ARHGEF15: variants seen among roughly 807,000 people sequenced by gnomAD.
ARHGEF15 encodes the protein Rho guanine nucleotide exchange factor (GEF) 15.
Under a neutral mutation model 79.7 loss-of-function variants are expected in ARHGEF15, and 58 were observed. The ratio of observed to expected loss-of-function variants is 0.73; its 90% CI spans 0.59 to 0.91. The LOEUF (loss-of-function observed/expected upper bound fraction) is 0.91. Ranked by LOEUF, ARHGEF15 falls within the 40% of genes least tolerant of loss-of-function variation. ARHGEF15 has a pLI of 0.00. For missense variants in ARHGEF15, 1,012 were observed against 1,108.1 expected, an observed-to-expected ratio of 0.91 and a Z score of 1.23; for synonymous variants, 442 against 456.0, an observed-to-expected ratio of 0.97 and a Z score of 0.39.
rs1905190494 is a variant in ARHGEF15, at chr17:8,318,803, T to C, written c.1926T>C (p.Thr642=). 1 of 1,613,636 alleles carries C rather than the reference T, an allele frequency of 6.2e-7. No individual in the cohort carries two copies. Among genetic ancestry groups the C allele is most frequent in the Non-Finnish European group, 8.5e-7 (1 of 1,179,964 alleles). ...GCCTGGAATTCCAGGGAGAGCTGAC[T>C]GAGTTAGGGTGCCGGAGGGGGGGCG... is the stretch of plus-strand genomic sequence containing the variant. ...SRRLEFQGEL[T]ELGCRRGGVL... The change falls in exon 12 of 16, where the codon ACT becomes ACC. Residue 642 remains threonine, a synonymous_variant. Transcript: ENST00000361926. The surrounding 1 kb of genome is among the most constrained non-coding windows in gnomAD (Gnocchi z 5.0).
rs1176069266 is a variant in ARHGEF15 at position 8,312,259 on chromosome 17, G to A, written c.220G>A (p.Ala74Thr). 1 of 1,520,202 alleles carries A rather than the reference G, an allele frequency of 6.6e-7. No homozygotes were observed. 94.2% of individuals were successfully genotyped at this position (1,520,202 alleles called of 1,614,324 possible). Residue 74 changes from alanine (A) to threonine (T), a missense_variant, in exon 2 of 16, where the codon GCT becomes ACT. By Grantham distance (58) the Ala-to-Thr change is moderately conservative. Around this residue, in one of 3 missense-constraint regions of ARHGEF15, gnomAD observed 818 missense variants for 882.5 expected, o/e 0.93. Coordinates refer to ENST00000361926, the MANE Select transcript of ARHGEF15 (RefSeq NM_173728.4). ...EPPAASLKPPALLPPSASRAS... is the reference protein window; with the variant it reads ...EPPAASLKPPTLLPPSASRAS... ...CCCAGCTGCATCCCTCAAGCCCCCT[G>A]CTCTTTTGCCCCCCTCAGCTTCTAG...
Position 8,320,874 on chromosome 17 carries a change from G to C in ARHGEF15, c.2407G>C (p.Ala803Pro). ...WLKGLPGAFP[A>P]QLVCEVTGEH... Reference sequence around the variant, plus strand: ...GAAGGGGCTTCCTGGGGCCTTCCCTGCCCAGCTGGTGTGTGAAGTCACAGG... The same window carrying C: ...GAAGGGGCTTCCTGGGGCCTTCCCTCCCCAGCTGGTGTGTGAAGTCACAGG... Residue 803 changes from alanine to proline, a missense_variant, in exon 16 of 16, where the codon GCC (alanine) becomes CCC (proline). Ala to Pro is a conservative substitution (Grantham distance 27). This residue lies in a region of ARHGEF15 where 132 missense variants were observed against 124.2 expected (regional missense o/e 1.06). Transcript: ENST00000361926. 1 of 1,613,376 alleles carries C rather than the reference G, an allele frequency of 6.2e-7. No homozygotes were observed. Among genetic ancestry groups the C allele is most frequent in the South Asian group, 1.1e-5 (1 of 91,032 alleles).
chr17:8,315,814 A>G lies in ARHGEF15; in HGVS notation c.1481A>G (p.Asp494Gly). ...TCCCCCCACATCAGCGACTTGTGTG[A>G]TGTGGTGCATGCCCACGCTGTGGGG... Reference protein sequence around the residue: ...RSSPHISDLCDVVHAHAVGPF... With the variant: ...RSSPHISDLCGVVHAHAVGPF... The change falls in exon 8 of 16, where the codon GAT (aspartate) becomes GGT (glycine). Residue 494 changes from aspartate to glycine, a missense_variant. Asp to Gly is a moderately conservative substitution (Grantham distance 94). Coordinates refer to ENST00000361926, the MANE Select transcript of ARHGEF15 (RefSeq NM_173728.4). This position sits in a 1 kb window ranked among gnomAD's most constrained non-coding sequence, Gnocchi z 4.3. 6.2e-7 allele frequency: 1 copy of G among 1,611,704 alleles called. No homozygotes were observed. Among genetic ancestry groups the G allele is most frequent in the Non-Finnish European group, 8.5e-7 (1 of 1,179,762 alleles).
At chr17:8,310,376 G>A (rs1009743758) in intron 1 of ARHGEF15, 33 bp downstream of exon 1, 1 of 152,212 alleles carries the variant, frequency 6.6e-6, no homozygotes, top group Admixed American at 6.5e-5. Context: ...CAGAGTTAGG[G>A]AGGGAAGCCT....
In ARHGEF15 at chr17:8,312,427, C is replaced by G. The variant is rs368543027; in HGVS notation, c.388C>G (p.Pro130Ala). 1.1e-5 allele frequency: 18 copies of G among 1,613,726 alleles called. No individual in the cohort carries two copies. In the African/African-American group the frequency reaches 1.7e-4, roughly 16 times the overall value. The change falls in exon 2 of 16, where the codon CCT (proline) becomes GCT (alanine). Residue 130 changes from proline to alanine, a missense_variant. Physicochemically the swap from Pro to Ala is conservative, Grantham distance 27. Coordinates refer to ENST00000361926, the MANE Select transcript of ARHGEF15 (RefSeq NM_173728.4). The stretch of plus-strand genomic sequence containing the variant: ...CAAGCCGTCTGGGTCACCCTGCACG[C>G]CTCTGCTCCCCATGGCTGGAGTCCT... The part of the protein sequence containing the change: ...PPKPSGSPCT[P>A]LLPMAGVLAQ...
In ARHGEF15 at chr17:8,314,963, T is replaced by C; in HGVS notation, c.1047T>C (p.Asp349=). The C allele has an allele frequency of 2.5e-6, 4 of 1,613,958 alleles. No homozygotes were observed. The highest frequency in any genetic ancestry group is 3.4e-6 in the Non-Finnish European group (4 of 1,179,958). ...AGAATTGGGAGCTGCCCCTGCAGGA[T>C]GGTGAGGGCCTCTGGACCTGAGGGT... The part of the protein sequence containing the change: ...KEQNWELPLQ[D]EPLYQTYRAA... The change falls in exon 5 of 16, where the codon GAT becomes GAC. Residue 349 remains aspartate, a splice_region_variant and synonymous_variant. Coordinates refer to ENST00000361926, the MANE Select transcript of ARHGEF15 (RefSeq NM_173728.4).
rs1355154631 is a variant in ARHGEF15 at position 8,321,111 on chromosome 17, A to G, written c.*118A>G. On this transcript the variant is annotated 3_prime_UTR_variant, in exon 16 of 16. Transcript: ENST00000361926. ...GGAGATACTACCTCTCGTGGCAACC[A>G]TAGAGATCGAGCTTCAGGACAGAGC... 2.1e-6 allele frequency: 3 copies of G among 1,417,658 alleles called. No individual in the cohort carries two copies. Among genetic ancestry groups the G allele is most frequent in the Non-Finnish European group, 2.9e-6 (3 of 1,034,266 alleles). 87.8% of individuals were successfully genotyped at this position (1,417,658 alleles called of 1,614,324 possible). A position where few individuals can be genotyped will look rare whatever the true frequency, so the allele number is the denominator to read the frequency against.
intron 4 of ARHGEF15, chr17:8,313,889 G>C (rs1025640536): frequency 9.8e-6 from 2 of 203,598 alleles, no homozygotes; most frequent in African/African-American, 4.6e-5. Context: ...AATTAGCCGG[G>C]CATGGTGACG....
At position 8,318,684 on chromosome 17, in the gene ARHGEF15, C is replaced by G. The variant is rs1480703416; in HGVS notation, c.1872+22C>G. On this transcript the variant is annotated intron_variant, in intron 11 of 15. Transcript: ENST00000361926. This position sits in a 1 kb window ranked among gnomAD's most constrained non-coding sequence, Gnocchi z 5.0. ...CAAGGTACATCGCTGCCCAGGCTCC[C>G]CATCTTGCCCTGCCCCATGTTGCTG... The G allele has an allele frequency of 6.2e-7, 1 of 1,610,078 alleles. No individual in the cohort carries two copies. The highest frequency in any genetic ancestry group is 8.5e-7 in the Non-Finnish European group (1 of 1,177,276).
intron 2 of ARHGEF15, 31 bp from the exon 3 acceptor site, chr17:8,312,891 G>A (rs750919387): frequency 4.5e-6 from 7 of 1,564,732 alleles, no homozygotes; most frequent in Non-Finnish European, 6.0e-6. Context: ...GGCCCCAAGG[G>A]CTTTCTCCTT....
intron 15 of ARHGEF15, among the ~76,000 whole-genome samples, chr17:8,320,219 A>G (rs1205929849): frequency 6.6e-6 from 1 of 152,150 alleles, no homozygotes; most frequent in Non-Finnish European, 1.5e-5. Flanking sequence ...GACGATAAAG[A>G]ATGAGCAAAA....
chr17:8,321,099 C>A lies in ARHGEF15; in HGVS notation c.*106C>A. ...TTCACTGTCAGTGGAGATACTACCTCTCGTGGCAACCATAGAGATCGAGCT... is the reference window on the plus strand; with the variant it reads ...TTCACTGTCAGTGGAGATACTACCTATCGTGGCAACCATAGAGATCGAGCT... On this transcript the variant is annotated 3_prime_UTR_variant, in exon 16 of 16. Transcript: ENST00000361926. 1 of 1,482,106 alleles carries A rather than the reference C, an allele frequency of 6.7e-7. No individual in the cohort carries two copies. Among genetic ancestry groups the A allele is most frequent in the South Asian group, 1.2e-5 (1 of 80,914 alleles). 91.8% of individuals were successfully genotyped at this position (1,482,106 alleles called of 1,614,324 possible). A position where few individuals can be genotyped will look rare whatever the true frequency, so the allele number is the denominator to read the frequency against.
chr17:8,313,043 C>T lies in ARHGEF15; in HGVS notation c.723C>T (p.Ala241=). ...YEEVPRVPRR[A]SPLRTSRSRP... ...AGGTCCCCAGGGTCCCCCGTCGGGCCTCCCCGCTGCGGACCTCTCGCTCCC... is the reference window on the plus strand; with the variant it reads ...AGGTCCCCAGGGTCCCCCGTCGGGCTTCCCCGCTGCGGACCTCTCGCTCCC... The change falls in exon 3 of 16, where the codon GCC becomes GCT. Residue 241 remains alanine, a synonymous_variant. Coordinates refer to ENST00000361926, the MANE Select transcript of ARHGEF15 (RefSeq NM_173728.4). The T allele has an allele frequency of 3.7e-6, 6 of 1,613,554 alleles. No individual in the cohort carries two copies. Among genetic ancestry groups the T allele is most frequent in the Non-Finnish European group, 5.1e-6 (6 of 1,179,838 alleles).
In ARHGEF15 at chr17:8,312,077, CGCAGA is replaced by C; in HGVS notation, c.39_43del (p.Gln14AlafsTer37). On this transcript the variant is annotated frameshift_variant, in exon 2 of 16. Transcript: ENST00000361926. LOFTEE classifies it high-confidence loss of function. ...TCCCTTCCTGCAGCAACACCCCCCA[CGCAGA>C]AGCCCCCTCGGATCATCCGCCCCCG... The C allele has an allele frequency of 7.1e-7, 1 of 1,418,082 alleles. No homozygotes were observed. The highest frequency in any genetic ancestry group is 9.4e-7 in the Non-Finnish European group (1 of 1,068,118). The allele number at this position is 1,418,082 out of a possible 1,614,324, so 87.8% of individuals were successfully genotyped here.
rs1443851563 is a variant in ARHGEF15 at position 8,312,278 on chromosome 17, C to G, written c.239C>G (p.Ala80Gly). The G allele has an allele frequency of 1.4e-6, 2 of 1,402,958 alleles. No individual in the cohort carries two copies. Among genetic ancestry groups the G allele is most frequent in the East Asian group, 6.0e-5 (2 of 33,232 alleles). The allele number at this position is 1,402,958 out of a possible 1,614,324, so 86.9% of individuals were successfully genotyped here. ...LKPPALLPPS[A>G]SRASLDSQTS... ...CCCCCTGCTCTTTTGCCCCCCTCAG[C>G]TTCTAGAGCCAGCCTCGACTCCCAG... is the stretch of plus-strand genomic sequence containing the variant. Residue 80 changes from alanine to glycine, a missense_variant, in exon 2 of 16, where the codon GCT becomes GGT. Ala to Gly is a moderately conservative substitution (Grantham distance 60). Around this residue, in one of 3 missense-constraint regions of ARHGEF15, gnomAD observed 818 missense variants for 882.5 expected, o/e 0.93. Coordinates refer to ENST00000361926, the MANE Select transcript of ARHGEF15 (RefSeq NM_173728.4).
intron 1 of ARHGEF15, among the ~76,000 whole-genome samples, chr17:8,310,565 C>T (rs1053893019): frequency 6.6e-6 from 1 of 152,090 alleles, no homozygotes; most frequent in African/African-American, 2.4e-5. Context: ...GTGCCATTGC[C>T]GTCTTGTCCT....
chr17:8,317,852 A>C (rs1905128651), intron 9 of ARHGEF15, among the ~76,000 whole-genome samples: 1 of 152,096 alleles, frequency 6.6e-6, no homozygotes, highest in African/African-American at 2.4e-5. Context: ...GGATCATCTG[A>C]GGTCAGGAGT....
chr17:8,316,192 C>G (rs754998291), intron 9 of ARHGEF15, 44 bp downstream of exon 9: 289 of 1,587,934 alleles, frequency 1.8e-4, no homozygotes, highest in Non-Finnish European at 2.4e-4. Flanking sequence ...CCAACCCCAT[C>G]GGAGAACTCT....
intron 4 of ARHGEF15, chr17:8,313,792 G>A: frequency 2.5e-6 from 1 of 401,258 alleles, no homozygotes; most frequent in Non-Finnish European, 4.4e-6. Flanking sequence ...CACTCTGGGA[G>A]GCCGCGGCAG....
Sources: gnomAD v4.1 joint callset for allele counts (sites outside exome capture counted in the v4.1 genomes callset) on GRCh38, gnomAD v4.1.1 for gene constraint, gnomAD v4.1.1 regional missense constraint, Gnocchi (gnomAD v3.1) non-coding constraint, MANE v1.5 for transcripts, NCBI Gene and HGNC (gene_info 2026-07-23, HGNC 2026-07-21) for gene names.